CTNNA2: variants seen among roughly 807,000 people sequenced by gnomAD.
CTNNA2 encodes catenin alpha 2.
A neutral mutation model predicts 101.0 loss-of-function variants in CTNNA2; 42 were observed. The ratio of observed to expected loss-of-function variants is 0.42; its 90% CI spans 0.32 to 0.54. The LOEUF is 0.54. Ranked by LOEUF, CTNNA2 falls within the 20% of genes least tolerant of loss-of-function variation. The pLI, the probability that CTNNA2 is intolerant of heterozygous loss-of-function variation, is 0.14. For synonymous variants in CTNNA2, 450 were observed against 456.4 expected (o/e 0.99, Z 0.18); for missense variants, 871 against 1,223.1 (o/e 0.71, Z 4.29).
At position 80,194,080 on chromosome 2, in the gene CTNNA2, G is replaced by A. The variant is rs75883137; in HGVS notation, c.1057-199131G>A. Among the ~76,000 whole-genome samples the A allele has an allele frequency of 4.1e-4, 62 of 152,226 alleles. 1 individual carries two copies. In the East Asian group the frequency reaches 0.011, roughly 28 times the overall value. ...TTAAATTAAGGTTATCTTTAGACTG[G>A]TAATCTCATTTGCTGTTTAGCAATT... On this transcript the variant is annotated intron_variant, in intron 7 of 18. Coordinates refer to ENST00000402739, the MANE Select transcript of CTNNA2 (RefSeq NM_001282597.3).
intron 7 of CTNNA2, among the ~76,000 whole-genome samples, chr2:80,270,737 G>A (rs1351068925): frequency 1.3e-5 from 2 of 152,086 alleles, no homozygotes; most frequent in Non-Finnish European, 2.9e-5. Context: ...CACCTATCAG[G>A]TAAACATGTC....
intron 9 of CTNNA2, among the ~76,000 whole-genome samples, chr2:80,434,075 C>T (rs1294033950): frequency 6.6e-6 from 1 of 152,172 alleles, no homozygotes; most frequent in Admixed American, 6.5e-5. Context: ...TCAAAAAATA[C>T]TAATGACATG....
intron 4 of CTNNA2, among the ~76,000 whole-genome samples, chr2:79,862,301 A>G (rs1455571145): frequency 6.6e-6 from 1 of 151,410 alleles, no homozygotes; most frequent in Non-Finnish European, 1.5e-5. Context: ...CAAGGGCCAA[A>G]TATAGTGCTG....
At chr2:80,122,736 C>G (rs1394474040) in intron 7 of CTNNA2, among the ~76,000 whole-genome samples, 1 of 151,984 alleles carries the variant, frequency 6.6e-6, no homozygotes, top group African/African-American at 2.4e-5. Context: ...GGTACCTATG[C>G]AAAAGTGTGT....
At chr2:80,468,534 C>T (rs1298526357) in intron 9 of CTNNA2, among the ~76,000 whole-genome samples, 1 of 152,172 alleles carries the variant, frequency 6.6e-6, no homozygotes, top group African/African-American at 2.4e-5. Context: ...TCTCCTGCCT[C>T]AGCCTCCTGA....
intron 6 of CTNNA2, among the ~76,000 whole-genome samples, chr2:79,880,451 C>CT (rs1294693659): frequency 6.6e-6 from 1 of 151,998 alleles, no homozygotes; most frequent in East Asian, 1.9e-4. Context: ...TGGTCCTGGG[C>CT]TTTTTTTGGT....
intron 3 of CTNNA2, among the ~76,000 whole-genome samples, chr2:79,357,442 A>G (rs888453050): frequency 1.3e-5 from 2 of 152,208 alleles, no homozygotes; most frequent in African/African-American, 4.8e-5. Context: ...GAATCACAGA[A>G]AGCAAATTAT....
At chr2:79,555,280 T>G (rs974490225) in intron 1 of CTNNA2, among the ~76,000 whole-genome samples, 1 of 152,156 alleles carries the variant, frequency 6.6e-6, no homozygotes, top group African/African-American at 2.4e-5. Context: ...CACTGGAATA[T>G]AGTGTAGCTG....
chr2:79,879,830 C>G (rs1683292132), intron 6 of CTNNA2, among the ~76,000 whole-genome samples: 2 of 152,078 alleles, frequency 1.3e-5, no homozygotes, highest in South Asian at 4.2e-4. Context: ...TACCTGATTG[C>G]CCTGTCCAGA....
intron 4 of CTNNA2, among the ~76,000 whole-genome samples, chr2:79,468,906 A>G (rs1409853705): frequency 6.6e-6 from 1 of 152,176 alleles, no homozygotes; most frequent in East Asian, 1.9e-4. Flanking sequence ...TTATAGCACT[A>G]AATACCCACA....
At chr2:80,274,356 A>G (rs1184876640) in intron 7 of CTNNA2, among the ~76,000 whole-genome samples, 2 of 152,184 alleles carry the variant, frequency 1.3e-5, no homozygotes, top group Admixed American at 6.5e-5. Context: ...CCGTATAGCA[A>G]TAGTCTTCGT....
chr2:79,488,035 G>A (rs1434314750), intron 4 of CTNNA2, among the ~76,000 whole-genome samples: 1 of 151,952 alleles, frequency 6.6e-6, no homozygotes, highest in Non-Finnish European at 1.5e-5. Context: ...GAAAAATCTG[G>A]GATGTTAAAA....
intron 7 of CTNNA2, among the ~76,000 whole-genome samples, chr2:80,349,705 C>T (rs759557841): frequency 7.9e-5 from 12 of 151,974 alleles, no homozygotes; most frequent in Non-Finnish European, 1.5e-4. Flanking sequence ...TTAATTAAAT[C>T]GATGGGGTCT....
At chr2:79,791,907 A>C (rs1028794469) in intron 3 of CTNNA2, among the ~76,000 whole-genome samples, 2 of 152,224 alleles carry the variant, frequency 1.3e-5, no homozygotes, top group Non-Finnish European at 2.9e-5. Flanking sequence ...CCTTAGGTAT[A>C]GTAAAGACAC....
At chr2:79,758,222 G>A (rs1672529348) in intron 3 of CTNNA2, among the ~76,000 whole-genome samples, 1 of 152,074 alleles carries the variant, frequency 6.6e-6, no homozygotes, top group Non-Finnish European at 1.5e-5. Flanking sequence ...CTAAAAGCTA[G>A]GTCTGTAATT....
intron 7 of CTNNA2, among the ~76,000 whole-genome samples, chr2:80,178,403 AAGG>A (rs1383577128): frequency 6.6e-6 from 1 of 152,166 alleles, no homozygotes; most frequent in Admixed American, 6.5e-5. Context: ...GTCTCTCAAA[AAGG>A]AGATTAGTTA....
intron 7 of CTNNA2, among the ~76,000 whole-genome samples, chr2:79,922,104 T>C (rs1337465865): frequency 6.6e-6 from 1 of 152,208 alleles, no homozygotes; most frequent in Non-Finnish European, 1.5e-5. Context: ...ACAGGTATCA[T>C]ACATTTCCTT....
At chr2:79,257,905 G>A (rs1455338011) in intron 2 of CTNNA2, among the ~76,000 whole-genome samples, 2 of 152,056 alleles carry the variant, frequency 1.3e-5, no homozygotes, top group African/African-American at 2.4e-5. Context: ...GAAACATGAA[G>A]GCAAATCCCC....
At chr2:79,301,824 C>T (rs1281072934) in intron 2 of CTNNA2, among the ~76,000 whole-genome samples, 1 of 152,008 alleles carries the variant, frequency 6.6e-6, no homozygotes, top group Non-Finnish European at 1.5e-5. Context: ...CACAGTGGCT[C>T]ACATCTGTAA....
Sources: gnomAD v4.1 joint callset for allele counts (sites outside exome capture counted in the v4.1 genomes callset) on GRCh38, gnomAD v4.1.1 for gene constraint, MANE v1.5 for transcripts, NCBI Gene and HGNC (gene_info 2026-07-23, HGNC 2026-07-21) for gene names.